Variants in EML6 observed in about 807,000 individuals in gnomAD.
The protein encoded by EML6 is echinoderm microtubule-associated protein-like 6.
EML6 carries 154 observed loss-of-function variants against 240.1 expected under a neutral mutation model. The ratio of observed to expected loss-of-function variants is 0.64; its 90% CI spans 0.56 to 0.73. EML6 has a LOEUF of 0.73. Among genes scored for constraint, EML6 ranks in the 30% least tolerant of loss-of-function variants. EML6 has a pLI of 0.00. For missense variants in EML6, 2,964 were observed against 2,474.6 expected, an observed-to-expected ratio of 1.20 and a Z score of -4.20; for synonymous variants, 1,148 against 899.0, an observed-to-expected ratio of 1.28 and a Z score of -4.95.
At position 54,853,797 on chromosome 2, in the gene EML6, G is replaced by A; in HGVS notation, c.1599G>A (p.Leu533=). 6 of 1,551,518 alleles carry A rather than the reference G, an allele frequency of 3.9e-6. No homozygotes were observed. The highest frequency in any genetic ancestry group is 5.2e-6 in the Non-Finnish European group (6 of 1,146,924). Residue 533 remains leucine (L), a synonymous_variant, in exon 11 of 42, where the codon CTG becomes CTA. Coordinates refer to ENST00000356458, the MANE Select transcript of EML6 (RefSeq NM_001039753.4). ...SVDANYNSSV[L]VSGDDFGLVK... ...ATGCGAATTACAACAGCTCAGTGCT[G>A]GTGTCTGGAGATGATTTTGGACTGG... is the stretch of plus-strand genomic sequence containing the variant.
At chr2:54,960,415 G>A (rs1350076101) in intron 35 of EML6, 81 bp downstream of exon 35, 5 of 1,063,702 alleles carry the variant, frequency 4.7e-6, no homozygotes, top group Admixed American at 4.0e-5. Context: ...CTTTCTCTGG[G>A]CTGGTTTGTT....
At chr2:54,832,024 G>T (rs2104201493) in intron 7 of EML6, among the ~76,000 whole-genome samples, 1 of 152,128 alleles carries the variant, frequency 6.6e-6, no homozygotes, top group East Asian at 1.9e-4. Context: ...TTTGCCCTTG[G>T]AGCACCCACC....
chr2:54,802,304 T>C (rs1558561607), intron 2 of EML6, among the ~76,000 whole-genome samples: 1 of 151,656 alleles, frequency 6.6e-6, no homozygotes, highest in Non-Finnish European at 1.5e-5. Context: ...CTCGTACTTC[T>C]AAGAGTTTGA....
intron 27 of EML6, 40 bp from the exon 28 acceptor site, chr2:54,928,585 G>A (rs1412264031): frequency 2.8e-5 from 43 of 1,551,848 alleles, no homozygotes; most frequent in Non-Finnish European, 3.7e-5. Flanking sequence ...CTGGGCCACT[G>A]CAAACCAACT....
intron 24 of EML6, among the ~76,000 whole-genome samples, chr2:54,908,234 G>A (rs1170876163): frequency 1.4e-5 from 2 of 147,604 alleles, no homozygotes; most frequent in African/African-American, 2.5e-5. Flanking sequence ...TTTTGAGACA[G>A]GGTCCCACTC....
chr2:54,822,142 CCAATAGA>C (rs1214070769), intron 5 of EML6, among the ~76,000 whole-genome samples: 1 of 151,974 alleles, frequency 6.6e-6, no homozygotes, highest in Admixed American at 6.6e-5. Flanking sequence ...ACACTGTTGG[CCAATAGA>C]CTTATGAAAA....
intron 33 of EML6, 104 bp from the exon 34 acceptor site, chr2:54,959,000 G>C (rs765999003): frequency 9.1e-7 from 1 of 1,095,340 alleles, no homozygotes; most frequent in East Asian, 2.7e-5. Context: ...AACTGCCTAG[G>C]CTGTCTGCAT....
chr2:54,966,988 T>C lies in EML6; in HGVS notation c.5494-12T>C, dbSNP rs367709890. 3.0e-5 allele frequency: 46 copies of C among 1,531,418 alleles called. No individual in the cohort carries two copies. In the East Asian group the frequency reaches 5.4e-4, roughly 18 times the overall value. The allele number at this position is 1,531,418 out of a possible 1,614,324, so 94.9% of individuals were successfully genotyped here. A position where few individuals can be genotyped will look rare whatever the true frequency, so the allele number is the denominator to read the frequency against. ...AGAACGTTGATGAACATGGCTTCCCTTCTACCTACAGGTGTCAACAGGTGC... is the reference window on the plus strand; with the variant it reads ...AGAACGTTGATGAACATGGCTTCCCCTCTACCTACAGGTGTCAACAGGTGC... On this transcript the variant is annotated splice_polypyrimidine_tract_variant and intron_variant, in intron 38 of 41. Coordinates refer to ENST00000356458, the MANE Select transcript of EML6 (RefSeq NM_001039753.4).
At position 54,797,177 on chromosome 2, in the gene EML6, A is replaced by AAACAAAC. The variant is rs1669849495; in HGVS notation, c.198-16053_198-16052insCAAACAA. On this transcript the variant is annotated intron_variant, in intron 2 of 41. Coordinates refer to ENST00000356458, the MANE Select transcript of EML6 (RefSeq NM_001039753.4). ...AAGACTCCATCTCAAAAAAAAAAAA[A>AAACAAAC]AAAAAAAAAAAACTGTGATCTTGTA... Among the ~76,000 whole-genome samples the AAACAAAC allele has an allele frequency of 1.7e-3, 230 of 132,758 alleles. 6 individuals are homozygous for AAACAAAC. Among genetic ancestry groups the AAACAAAC allele is most frequent in the African/African-American group, 6.0e-3 (210 of 35,010 alleles). 87.1% of individuals were successfully genotyped at this position (132,758 alleles called of 152,430 possible).
chr2:54,835,134 T>C (rs1404956252), intron 7 of EML6, among the ~76,000 whole-genome samples: 1 of 152,246 alleles, frequency 6.6e-6, no homozygotes, highest in Non-Finnish European at 1.5e-5. Context: ...AAATAAAGCC[T>C]ATGCTGATGA....
chr2:54,747,230 AT>A (rs1683953469), intron 2 of EML6: 3 of 152,240 alleles, frequency 2.0e-5, no homozygotes. Context: ...GGTGGGTAAA[AT>A]GCTACACTTG....
chr2:54,866,946 C>T, intron 14 of EML6, 62 bp downstream of exon 14: 1 of 979,268 alleles, frequency 1.0e-6, no homozygotes, highest in Non-Finnish European at 1.6e-6. Flanking sequence ...TGTCACCAAC[C>T]TTAGCACCAG....
At chr2:54,882,820 T>C (rs1366951194) in intron 17 of EML6, 1 of 98,644 alleles carries the variant, frequency 1.0e-5, no homozygotes, top group African/African-American at 3.5e-5. Context: ...ATCACGGCAC[T>C]GCACTCCAGC....
At chr2:54,912,364 G>A (rs1471514134) in intron 25 of EML6, among the ~76,000 whole-genome samples, 1 of 152,100 alleles carries the variant, frequency 6.6e-6, no homozygotes, top group Non-Finnish European at 1.5e-5. Flanking sequence ...TCATTCACTG[G>A]TAATTTGTTG....
rs1673146538 is a variant in EML6 at position 54,903,096 on chromosome 2, G to C, written c.3177G>C (p.Leu1059Phe). 5 of 1,551,832 alleles carry C rather than the reference G, an allele frequency of 3.2e-6. No individual in the cohort carries two copies. The East Asian group carries it at 7.3e-5, about 23-fold the overall frequency. The stretch of plus-strand genomic sequence containing the variant: ...ATGGGAAAGCCTTAGCGGTTGGCTT[G>C]AACGATGGGAGTTTCCTGGTGGTAA... ...SPDGKALAVG[L>F]NDGSFLVVNA... Residue 1059 changes from leucine to phenylalanine, a missense_variant, in exon 23 of 42, where the codon TTG (leucine) becomes TTC (phenylalanine). Physicochemically the swap from Leu to Phe is conservative, Grantham distance 22. Coordinates refer to ENST00000356458, the MANE Select transcript of EML6 (RefSeq NM_001039753.4).
intron 28 of EML6, among the ~76,000 whole-genome samples, chr2:54,930,365 T>C (rs1008115508): frequency 1.3e-5 from 2 of 152,190 alleles, no homozygotes; most frequent in Admixed American, 1.3e-4. Context: ...CATTTCGTAC[T>C]GCCAAACTTA....
chr2:54,849,163 C>T (rs1351764877), intron 9 of EML6, among the ~76,000 whole-genome samples: 3 of 152,108 alleles, frequency 2.0e-5, no homozygotes. Context: ...ATAATAGATA[C>T]ACATATTTTC....
At chr2:54,940,696 ACTT>A (rs1303422602) in intron 28 of EML6, among the ~76,000 whole-genome samples, 3 of 152,192 alleles carry the variant, frequency 2.0e-5, no homozygotes, top group African/African-American at 4.8e-5. Flanking sequence ...TTTTACCTTC[ACTT>A]CATTAGCAAC....
chr2:54,838,248 G>A (rs1669256783), intron 7 of EML6, among the ~76,000 whole-genome samples: 1 of 152,186 alleles, frequency 6.6e-6, no homozygotes, highest in Admixed American at 6.5e-5. Flanking sequence ...GCTGAGATGT[G>A]AACTTAATAG....
Sources: allele counts gnomAD v4.1 joint callset (sites outside exome capture counted in the v4.1 genomes callset), GRCh38; gene constraint gnomAD v4.1.1; transcripts MANE v1.5; gene names NCBI Gene and HGNC (gene_info 2026-07-23, HGNC 2026-07-21).